SF3A3: variants seen among roughly 807,000 people sequenced by gnomAD.
SF3A3 encodes splicing factor 3a subunit 3.
In SF3A3, 9 loss-of-function variants were observed where a neutral mutation model predicts 85.8. The ratio of observed to expected loss-of-function variants is 0.10; its 90% CI spans 0.06 to 0.18. The LOEUF is 0.18. Among genes scored for constraint, SF3A3 ranks in the 10% least tolerant of loss-of-function variants. The probability of loss-of-function intolerance (pLI) is 1.00; values close to 1 mark genes in which losing one functional copy is unlikely to be tolerated. For synonymous variants in SF3A3, 195 were observed against 204.4 expected, an observed-to-expected ratio of 0.95 and a Z score of 0.39; for missense variants, 306 against 593.3, an observed-to-expected ratio of 0.52 and a Z score of 5.03.
rs918764397 is a variant in SF3A3 at position 37,980,610 on chromosome 1, C to A, written c.666G>T (p.Glu222Asp). 2.5e-5 allele frequency: 40 copies of A among 1,613,954 alleles called. No individual in the cohort carries two copies. The highest frequency in any genetic ancestry group is 1.1e-4 in the South Asian group (10 of 91,082). The change falls in exon 8 of 17, where the codon GAG becomes GAT. Residue 222 changes from glutamate (E) to aspartate (D), a missense_variant. By Grantham distance (45) the Glu-to-Asp change is conservative (BLOSUM62 2). Transcript: ENST00000373019. ...CCGGCCATCCAGGAAAGGTCCCATTCTCCCATTTCTTCTCAAACTCAGCCT... is the reference window on the plus strand; with the variant it reads ...CCGGCCATCCAGGAAAGGTCCCATTATCCCATTTCTTCTCAAACTCAGCCT... Reference protein sequence around the residue: ...KIQAEFEKKWENGTFPGWPKE... With the variant: ...KIQAEFEKKWDNGTFPGWPKE...
At chr1:37,964,494 C>T (rs1646285019) in intron 15 of SF3A3, among the ~76,000 whole-genome samples, 1 of 151,778 alleles carries the variant, frequency 6.6e-6, no homozygotes, top group Non-Finnish European at 1.5e-5. Flanking sequence ...GTAATTCCAG[C>T]TACTCGGAAG....
intron 11 of SF3A3, 63 bp from the exon 12 acceptor site, chr1:37,977,016 A>G: frequency 9.0e-7 from 1 of 1,108,200 alleles, no homozygotes. Context: ...TGTTCCCTAT[A>G]TCTGGGAACA....
intron 15 of SF3A3, among the ~76,000 whole-genome samples, chr1:37,961,316 G>T (rs1447430178): frequency 6.6e-6 from 1 of 152,130 alleles, no homozygotes; most frequent in Admixed American, 6.5e-5. Flanking sequence ...CAGGCACAGT[G>T]GCTCATGCCT....
intron 15 of SF3A3, among the ~76,000 whole-genome samples, chr1:37,963,042 C>T (rs963852540): frequency 4.0e-5 from 6 of 151,044 alleles, no homozygotes; most frequent in African/African-American, 4.9e-5. Context: ...GAGTGGAGAT[C>T]GCGCCACTGC....
At chr1:37,972,577 C>T (rs1178187855) in intron 12 of SF3A3, among the ~76,000 whole-genome samples, 4 of 152,110 alleles carry the variant, frequency 2.6e-5, no homozygotes, top group Admixed American at 6.5e-5. Context: ...CAATCCTAAG[C>T]CAAAAGAACA....
intron 15 of SF3A3, among the ~76,000 whole-genome samples, chr1:37,965,302 C>CAAAAAAA (rs55747818): frequency 2.0e-4 from 20 of 100,308 alleles, no homozygotes; most frequent in Middle Eastern, 7.2e-3. Context: ...CCCATCGGCA[C>CAAAAAAA]AAAAAAAAAA....
intron 16 of SF3A3, among the ~76,000 whole-genome samples, chr1:37,959,472 T>C (rs1455110202): frequency 6.6e-6 from 1 of 151,998 alleles, no homozygotes; most frequent in African/African-American, 2.4e-5. Context: ...TGCAGTGGTA[T>C]GATCATAGCT....
chr1:37,980,425 C>CA lies in SF3A3; in HGVS notation c.690+160dup, dbSNP rs113844754. 4.2e-3 allele frequency among the ~76,000 whole-genome samples: 572 copies of CA among 136,836 alleles called. 1 individual carries two copies. The highest frequency in any genetic ancestry group is 7.8e-3 in the African/African-American group (294 of 37,472). 89.8% of individuals were successfully genotyped at this position (136,836 alleles called of 152,430 possible). On this transcript the variant is annotated intron_variant, in intron 8 of 16. Transcript: ENST00000373019. ...GGCAACAAAAGCGAAACTCCGTCTCCAAAAAAAAAAAACATAGCATACTTG... is the reference window on the plus strand; with the variant it reads ...GGCAACAAAAGCGAAACTCCGTCTCCAAAAAAAAAAAAACATAGCATACTTG...
chr1:37,978,840 G>A lies in SF3A3; in HGVS notation c.828-13C>T. 6.4e-7 allele frequency: 1 copy of A among 1,570,414 alleles called. No individual in the cohort carries two copies. The highest frequency in any genetic ancestry group is 8.7e-7 in the Non-Finnish European group (1 of 1,153,782). On this transcript the variant is annotated splice_polypyrimidine_tract_variant and intron_variant, in intron 10 of 16. Coordinates refer to ENST00000373019, the MANE Select transcript of SF3A3 (RefSeq NM_006802.4). ...CTCTTCTAGGGTCCTAAGGAGACAGGACGGCAAAGGATTTTAGGGTTACTT... is the reference window on the plus strand; with the variant it reads ...CTCTTCTAGGGTCCTAAGGAGACAGAACGGCAAAGGATTTTAGGGTTACTT...
intron 15 of SF3A3, among the ~76,000 whole-genome samples, chr1:37,967,227 C>G (rs1438426464): frequency 1.4e-5 from 2 of 146,932 alleles, no homozygotes; most frequent in South Asian, 2.2e-4. Context: ...TGCACTCCAG[C>G]CTGGTGACAG....
chr1:37,960,580 T>C (rs192153539), intron 15 of SF3A3: 12 of 174,150 alleles, frequency 6.9e-5, no homozygotes, highest in African/African-American at 1.7e-4. Flanking sequence ...AAAAAAATCA[T>C]TGTAGCTTCA....
chr1:37,980,579 A>G lies in SF3A3; in HGVS notation c.690+7T>C. ...ATGTCCACCATTCACATCCCACTGA[A>G]GCTCACCGGCCATCCAGGAAAGGTC... On this transcript the variant is annotated splice_region_variant and intron_variant, in intron 8 of 16. Transcript: ENST00000373019. The G allele has an allele frequency of 6.2e-7, 1 of 1,613,398 alleles. No homozygotes were observed. The highest frequency in any genetic ancestry group is 8.5e-7 in the Non-Finnish European group (1 of 1,179,776).
chr1:37,967,677 C>CAAAAAAAAA (rs34369006), intron 15 of SF3A3, among the ~76,000 whole-genome samples: 26 of 44,276 alleles, frequency 5.9e-4, no homozygotes, highest in Non-Finnish European at 7.1e-4. Flanking sequence ...GACTCCGTCA[C>CAAAAAAAAA]AAAAAAAAAA....
intron 1 of SF3A3, 44 bp from the exon 2 acceptor site, chr1:37,989,639 T>C (rs1473978087): frequency 3.1e-6 from 5 of 1,608,592 alleles, no homozygotes; most frequent in South Asian, 1.1e-5. Context: ...GTTTGCGTTC[T>C]GGAGTAGAAA....
intron 8 of SF3A3, among the ~76,000 whole-genome samples, chr1:37,979,904 C>T (rs1006499795): frequency 9.9e-5 from 15 of 152,056 alleles, no homozygotes; most frequent in African/African-American, 3.6e-4. Flanking sequence ...ACAAAAAAAC[C>T]CCACCAGGTT....
intron 4 of SF3A3, among the ~76,000 whole-genome samples, chr1:37,986,434 A>C (rs922951381): frequency 1.2e-4 from 18 of 152,264 alleles, no homozygotes; most frequent in Admixed American, 5.2e-4. Flanking sequence ...CAGTAAGGCA[A>C]CACCACCTGG....
chr1:37,984,665 G>A (rs1457901224), intron 5 of SF3A3, 42 bp downstream of exon 5: 1 of 1,284,544 alleles, frequency 7.8e-7, no homozygotes, highest in Non-Finnish European at 1.1e-6. Flanking sequence ...TCATTAACCT[G>A]TATTTTTGCT....
At chr1:37,980,302 T>C (rs1285797385) in intron 8 of SF3A3, among the ~76,000 whole-genome samples, 3 of 152,008 alleles carry the variant, frequency 2.0e-5, no homozygotes, top group African/African-American at 7.2e-5. Context: ...CGCGTGCCTG[T>C]AATCCCAGTT....
At chr1:37,962,170 G>A (rs1469245007) in intron 15 of SF3A3, among the ~76,000 whole-genome samples, 1 of 151,050 alleles carries the variant, frequency 6.6e-6, no homozygotes, top group Non-Finnish European at 1.5e-5. Flanking sequence ...ACATCAGGAA[G>A]GACTGGAGAA....
Sources: gnomAD v4.1 joint callset for allele counts (sites outside exome capture counted in the v4.1 genomes callset) on GRCh38, gnomAD v4.1.1 for gene constraint, MANE v1.5 for transcripts, NCBI Gene and HGNC (gene_info 2026-07-23, HGNC 2026-07-21) for gene names.